CCSER1: variants seen among roughly 807,000 people sequenced by gnomAD.
CCSER1 encodes coiled-coil serine rich protein 1, also known as serine-rich coiled-coil domain-containing protein 1.
Under a neutral mutation model 82.0 loss-of-function variants are expected in CCSER1, and 41 were observed. The ratio of observed to expected loss-of-function variants is 0.50; its 90% CI spans 0.39 to 0.65. The LOEUF (loss-of-function observed/expected upper bound fraction) is 0.65. Ranked by LOEUF, CCSER1 falls within the 30% of genes least tolerant of loss-of-function variation. The probability of loss-of-function intolerance (pLI) is 0.00; values close to 1 mark genes in which losing one functional copy is unlikely to be tolerated. For synonymous variants in CCSER1, 414 were observed against 383.9 expected (o/e 1.08, Z -0.92); for missense variants, 1,119 against 1,064.2 (o/e 1.05, Z -0.72).
intron 10 of CCSER1, among the ~76,000 whole-genome samples, chr4:91,368,725 A>G (rs1749815004): frequency 6.6e-6 from 1 of 152,170 alleles, no homozygotes. Context: ...TACTTTAATC[A>G]GTCTTTTATA....
At chr4:91,200,181 T>C (rs1735793202) in intron 10 of CCSER1, among the ~76,000 whole-genome samples, 1 of 85,308 alleles carries the variant, frequency 1.2e-5, no homozygotes, top group Non-Finnish European at 2.3e-5. Context: ...TTCTTTTTAG[T>C]TGATTTTTTT....
chr4:91,470,706 ATAAT>A (rs958254950), intron 10 of CCSER1, among the ~76,000 whole-genome samples: 8 of 152,146 alleles, frequency 5.3e-5, no homozygotes, highest in East Asian at 3.9e-4. Flanking sequence ...AGAACAGAAA[ATAAT>A]TAATAAGCCA....
chr4:90,181,144 A>T (rs889963632), intron 1 of CCSER1, among the ~76,000 whole-genome samples: 1 of 152,158 alleles, frequency 6.6e-6, no homozygotes, highest in African/African-American at 2.4e-5. Context: ...AATGATCTGT[A>T]CACCAAACCA....
intron 3 of CCSER1, among the ~76,000 whole-genome samples, chr4:90,350,372 A>G (rs7688131): frequency 0.29 from 44,464 of 151,982 alleles, 6,643 homozygotes; most frequent in East Asian, 0.44. Flanking sequence ...ATGAGGAATA[A>G]GGCAAGTATA....
intron 3 of CCSER1, among the ~76,000 whole-genome samples, chr4:90,332,804 A>G (rs1054605534): frequency 6.6e-6 from 1 of 152,182 alleles, no homozygotes; most frequent in African/African-American, 2.4e-5. Context: ...CTCTTACATC[A>G]GAAAGTAAGT....
chr4:91,175,340 T>C (rs1733219365), intron 10 of CCSER1, among the ~76,000 whole-genome samples: 1 of 152,106 alleles, frequency 6.6e-6, no homozygotes, highest in South Asian at 2.1e-4. Context: ...GTATATCCAG[T>C]AATGGGATCA....
At chr4:90,733,349 T>C (rs1745079726) in intron 7 of CCSER1, among the ~76,000 whole-genome samples, 1 of 152,242 alleles carries the variant, frequency 6.6e-6, no homozygotes, top group African/African-American at 2.4e-5. Flanking sequence ...TAAATGTCTA[T>C]TCAGATGTTT....
chr4:91,153,372 A>G (rs1361317492), intron 10 of CCSER1, among the ~76,000 whole-genome samples: 1 of 151,994 alleles, frequency 6.6e-6, no homozygotes, highest in African/African-American at 2.4e-5. Context: ...AGGTCATTTA[A>G]GGTCTTCTCT....
intron 6 of CCSER1, among the ~76,000 whole-genome samples, chr4:90,655,868 G>C (rs929054989): frequency 6.6e-6 from 1 of 151,866 alleles, no homozygotes; most frequent in Non-Finnish European, 1.5e-5. Context: ...AAAATAGTAT[G>C]CCCTAAATTC....
chr4:91,278,028 T>C (rs1341317917), intron 10 of CCSER1, among the ~76,000 whole-genome samples: 2 of 152,118 alleles, frequency 1.3e-5, no homozygotes, highest in Non-Finnish European at 2.9e-5. Flanking sequence ...TTTTATTCTA[T>C]GGTGGCCTGA....
chr4:90,702,036 A>G (rs1738257371), intron 6 of CCSER1, among the ~76,000 whole-genome samples: 1 of 152,178 alleles, frequency 6.6e-6, no homozygotes, highest in Non-Finnish European at 1.5e-5. Flanking sequence ...GAGAGAGGGC[A>G]CACCTGCCTT....
intron 3 of CCSER1, among the ~76,000 whole-genome samples, chr4:90,336,134 A>G (rs555280424): frequency 1.0e-3 from 153 of 152,214 alleles, no homozygotes; most frequent in African/African-American, 3.6e-3. Context: ...TAGACCTTAG[A>G]TTTTCTAAAT....
intron 10 of CCSER1, among the ~76,000 whole-genome samples, chr4:91,277,977 T>C (rs143734066): frequency 3.9e-5 from 6 of 152,230 alleles, no homozygotes; most frequent in Admixed American, 6.5e-5. Context: ...TTTCCATTTA[T>C]TTGTACAGCT....
chr4:91,422,310 C>T (rs1016927098), intron 10 of CCSER1, among the ~76,000 whole-genome samples: 4 of 152,058 alleles, frequency 2.6e-5, no homozygotes, highest in Admixed American at 6.6e-5. Context: ...TCTTTACATA[C>T]TCACATTCAC....
Position 91,159,561 on chromosome 4 carries a change from G to A in CCSER1, c.2217+73567G>A, listed in dbSNP as rs186970139. Among the ~76,000 whole-genome samples, 67 of 151,948 alleles carry A rather than the reference G, an allele frequency of 4.4e-4. 1 individual carries two copies. Among genetic ancestry groups the A allele is most frequent in the Non-Finnish European group, 6.2e-4 (42 of 67,894 alleles). On this transcript the variant is annotated intron_variant, in intron 10 of 10. Transcript: ENST00000509176. The stretch of plus-strand genomic sequence containing the variant: ...GGTATTATTGGATCACAGTTGAGAA[G>A]CATTTTTGTCCTTTAAGAGTGGAAG...
chr4:91,365,352 G>A (rs921148903), intron 10 of CCSER1, among the ~76,000 whole-genome samples: 2 of 152,108 alleles, frequency 1.3e-5, no homozygotes, highest in African/African-American at 2.4e-5. Context: ...ATCATGAAAT[G>A]CCCTGTACGT....
At chr4:91,070,352 C>G (rs182157115) in intron 9 of CCSER1, among the ~76,000 whole-genome samples, 1 of 152,178 alleles carries the variant, frequency 6.6e-6, no homozygotes, top group South Asian at 2.1e-4. Flanking sequence ...AATCCATCCT[C>G]TTTATTTTAG....
chr4:91,298,915 TC>T (rs1744444008), intron 10 of CCSER1, among the ~76,000 whole-genome samples: 1 of 151,912 alleles, frequency 6.6e-6, no homozygotes, highest in Non-Finnish European at 1.5e-5. Context: ...GCACAGTGGT[TC>T]TCTAAGTGTG....
intron 4 of CCSER1, among the ~76,000 whole-genome samples, chr4:90,455,559 C>T (rs1033243476): frequency 1.7e-4 from 26 of 152,074 alleles, no homozygotes; most frequent in African/African-American, 5.1e-4. Flanking sequence ...CTTTCTCTTT[C>T]CAGCAAATAC....
Sources: gnomAD v4.1 joint callset for allele counts (sites outside exome capture counted in the v4.1 genomes callset) on GRCh38, gnomAD v4.1.1 for gene constraint, MANE v1.5 for transcripts, NCBI Gene and HGNC (gene_info 2026-07-23, HGNC 2026-07-21) for gene names.